The following CUL2 variants were observed in gnomAD, a reference collection of about 807,000 sequenced individuals.
The protein encoded by CUL2 is cullin 2.
In CUL2, 22 loss-of-function variants were observed where a neutral mutation model predicts 110.2. That is an observed-to-expected ratio of 0.20 (90% confidence interval 0.14 to 0.28). The LOEUF (loss-of-function observed/expected upper bound fraction) is 0.28. Ranked by LOEUF, CUL2 falls within the 10% of genes least tolerant of loss-of-function variation. CUL2 has a pLI of 1.00. For synonymous variants in CUL2, 279 were observed against 293.2 expected (o/e 0.95, Z 0.49); for missense variants, 631 against 905.5 (o/e 0.70, Z 3.89).
intron 18 of CUL2, among the ~76,000 whole-genome samples, chr10:35,015,901 A>G (rs2085017016): frequency 6.6e-6 from 1 of 152,222 alleles, no homozygotes; most frequent in Admixed American, 6.5e-5. Context: ...TAGTTTCAAA[A>G]TCTCAATTAA....
At chr10:35,108,629 A>G (rs1319610199) in intron 1 of CUL2, among the ~76,000 whole-genome samples, 1 of 152,196 alleles carries the variant, frequency 6.6e-6, no homozygotes, top group Admixed American at 6.6e-5. Flanking sequence ...GGAATGTATT[A>G]GCTGTGCATG....
intron 17 of CUL2, 102 bp downstream of exon 17, chr10:35,025,029 GA>G: frequency 7.5e-7 from 1 of 1,338,968 alleles, no homozygotes; most frequent in Non-Finnish European, 9.6e-7. Context: ...TGATGGAGGA[GA>G]AAAGGTTAAA....
At chr10:35,087,549 A>C (rs1237645970) in intron 1 of CUL2, among the ~76,000 whole-genome samples, 1 of 151,986 alleles carries the variant, frequency 6.6e-6, no homozygotes, top group Non-Finnish European at 1.5e-5. Flanking sequence ...ACGAAATCCA[A>C]CTTAACATGT....
intron 1 of CUL2, among the ~76,000 whole-genome samples, chr10:35,081,315 C>T (rs1388981705): frequency 6.6e-6 from 1 of 152,206 alleles, no homozygotes; most frequent in African/African-American, 2.4e-5. Flanking sequence ...TCCCATAAGA[C>T]TGCACAGCCT....
intron 8 of CUL2, among the ~76,000 whole-genome samples, chr10:35,042,551 A>C (rs185564266): frequency 6.6e-6 from 1 of 152,102 alleles, no homozygotes; most frequent in Non-Finnish European, 1.5e-5. Flanking sequence ...TGTGGGTCAT[A>C]AGACCCTCCC....
intron 1 of CUL2, among the ~76,000 whole-genome samples, chr10:35,085,535 G>C (rs1480563008): frequency 6.6e-6 from 1 of 151,706 alleles, no homozygotes; most frequent in Admixed American, 6.6e-5. Context: ...ACAAGGTCAG[G>C]AGATCAAGAC....
intron 17 of CUL2, 121 bp from the exon 18 acceptor site, chr10:35,016,515 G>A (rs951522075): frequency 2.6e-6 from 2 of 765,338 alleles, no homozygotes; most frequent in South Asian, 1.9e-5. Context: ...TTGTTGTAAA[G>A]CCACTGCTGT....
chr10:35,076,400 G>A (rs2086818463), intron 1 of CUL2, among the ~76,000 whole-genome samples: 1 of 152,096 alleles, frequency 6.6e-6, no homozygotes, highest in Admixed American at 6.6e-5. Context: ...AAACTGAATG[G>A]TATGTGACGT....
At chr10:35,111,593 T>C (rs1247449603) in intron 1 of CUL2, among the ~76,000 whole-genome samples, 1 of 152,112 alleles carries the variant, frequency 6.6e-6, no homozygotes, top group Non-Finnish European at 1.5e-5. Flanking sequence ...GTCTAAAACA[T>C]ATTAGACATT....
chr10:35,123,925 T>A (rs539227786), intron 1 of CUL2, among the ~76,000 whole-genome samples: 1 of 152,322 alleles, frequency 6.6e-6, no homozygotes, highest in Non-Finnish European at 1.5e-5. Flanking sequence ...GAGGACAGTA[T>A]AGAAGATGAT....
chr10:35,015,107 A>G (rs1051295120), intron 18 of CUL2, among the ~76,000 whole-genome samples: 1 of 152,040 alleles, frequency 6.6e-6, no homozygotes, highest in Non-Finnish European at 1.5e-5. Flanking sequence ...CAGCCTGGCC[A>G]ACATTGTGAA....
At chr10:35,040,383 G>C (rs1179199465) in intron 8 of CUL2, among the ~76,000 whole-genome samples, 4 of 152,124 alleles carry the variant, frequency 2.6e-5, no homozygotes, top group Non-Finnish European at 5.9e-5. Flanking sequence ...AAATGCACCG[G>C]CTTGGAAACA....
chr10:35,095,575 T>C (rs1008741401), upstream of CUL2, among the ~76,000 whole-genome samples: 4 of 152,142 alleles, frequency 2.6e-5, no homozygotes, highest in African/African-American at 9.6e-5. Flanking sequence ...ATATATATTT[T>C]TGAGACAGAG....
chr10:35,125,391 C>G (rs143838436), intron 1 of CUL2, among the ~76,000 whole-genome samples: 1 of 152,316 alleles, frequency 6.6e-6, no homozygotes, highest in African/African-American at 2.4e-5. Flanking sequence ...AAATACTTTG[C>G]AAATAAGAAA....
chr10:35,078,839 T>C (rs58015167), intron 1 of CUL2, among the ~76,000 whole-genome samples: 4,100 of 152,316 alleles, frequency 0.027, 182 homozygotes, highest in African/African-American at 0.09. Context: ...TCAGTACTGA[T>C]CAGCAGCACC....
At chr10:35,021,154 T>C (rs2085170881) in intron 17 of CUL2, among the ~76,000 whole-genome samples, 1 of 152,058 alleles carries the variant, frequency 6.6e-6, no homozygotes, top group Admixed American at 6.6e-5. Flanking sequence ...GGGAGCACAT[T>C]ACAGTCTCTG....
chr10:35,097,936 G>A (rs1369917659), intron 2 of CUL2: 1 of 151,974 alleles, frequency 6.6e-6, no homozygotes, highest in Non-Finnish European at 1.5e-5. Context: ...TCCAGCCTGG[G>A]TGACAGACCA....
rs747951991 is a variant in CUL2, at chr10:35,010,437, A to G, written c.2112T>C (p.Ile704=). The G allele has an allele frequency of 6.2e-7, 1 of 1,606,380 alleles. No homozygotes were observed. The highest frequency in any genetic ancestry group is 1.1e-5 in the South Asian group (1 of 89,924). ...LRHNALIQEV[I]SQSRARFNPS... is the part of the protein sequence containing the mutation. ...GATTAAACCTAGCTCTTGACTGGCT[A>G]ATCACCTGTGGAAGAGATGTGGAAG... The change falls in exon 21 of 21, where the codon ATT becomes ATC. Residue 704 remains isoleucine, a synonymous_variant. Coordinates refer to ENST00000374749, the MANE Select transcript of CUL2 (RefSeq NM_003591.4).
chr10:35,103,325 T>A (rs984938101), intron 1 of CUL2, among the ~76,000 whole-genome samples: 67 of 118,864 alleles, frequency 5.6e-4, no homozygotes, highest in African/African-American at 1.9e-3. Context: ...TTTTTTTTTT[T>A]TTTTTTTATT....
Sources: allele counts gnomAD v4.1 joint callset (sites outside exome capture counted in the v4.1 genomes callset), GRCh38; gene constraint gnomAD v4.1.1; transcripts MANE v1.5; gene names NCBI Gene and HGNC (gene_info 2026-07-23, HGNC 2026-07-21).